ANK3: variants seen among roughly 807,000 people sequenced by gnomAD.
ANK3 encodes ankyrin-3.
In ANK3, 57 loss-of-function variants were observed where a neutral mutation model predicts 370.9. The ratio of observed to expected loss-of-function variants is 0.15; its 90% CI spans 0.12 to 0.19. The LOEUF (loss-of-function observed/expected upper bound fraction) is 0.19, where lower values mean the gene tolerates loss of function less well. ANK3 is among the 10% of genes least tolerant of loss of function. ANK3 has a pLI of 1.00. For missense variants in ANK3, 4,439 were observed against 5,302.1 expected, an observed-to-expected ratio of 0.84 and a Z score of 5.06; for synonymous variants, 1,929 against 1,946.3, an observed-to-expected ratio of 0.99 and a Z score of 0.23.
intron 8 of ANK3, among the ~76,000 whole-genome samples, chr10:60,231,847 C>T (rs2132527488): frequency 6.6e-6 from 1 of 152,268 alleles, no homozygotes; most frequent in South Asian, 2.1e-4. Context: ...TTCTCTGGTT[C>T]TCCATGTCTT....
chr10:60,420,784 G>A (rs561545149), intron 2 of ANK3, among the ~76,000 whole-genome samples: 44 of 152,112 alleles, frequency 2.9e-4, no homozygotes, highest in Non-Finnish European at 5.0e-4. Context: ...GGAATAAAAA[G>A]TTACCTTAAG....
rs1235595002 is a variant in ANK3, at chr10:60,468,995, GTGTA to G, written c.96+146187_96+146190del. 2.6e-3 allele frequency among the ~76,000 whole-genome samples: 90 copies of G among 34,556 alleles called. 14 individuals are homozygous for G. The highest frequency in any genetic ancestry group is 8.0e-3 in the African/African-American group (73 of 9,156). The allele number at this position is 34,556 out of a possible 152,430, so 22.7% of individuals were successfully genotyped here. A position where few individuals can be genotyped will look rare whatever the true frequency, so the allele number is the denominator to read the frequency against. On this transcript the variant is annotated intron_variant, in intron 2 of 43. Transcript: ENST00000373827. Reference sequence around the variant, plus strand: ...CCACTATATATATACCACTTTTAGTGTGTATATATATATATATATATATACCACT... The same window carrying G: ...CCACTATATATATACCACTTTTAGTGTATATATATATATATATATACCACT...
rs542857204 is a variant in ANK3 at position 60,027,840 on chromosome 10, T to A, written c.*2006A>T. Reference sequence around the variant, plus strand: ...AATTCACAGTCAGGTTGTACAAATATAAGAAATGAGGCTGTGGCAGTGATA... The same window carrying A: ...AATTCACAGTCAGGTTGTACAAATAAAAGAAATGAGGCTGTGGCAGTGATA... On this transcript the variant is annotated 3_prime_UTR_variant, in exon 44 of 44. Transcript: ENST00000280772. 6.6e-6 allele frequency: 1 copy of A among 152,138 alleles called. No homozygotes were observed. Among genetic ancestry groups the A allele is most frequent in the Admixed American group, 6.6e-5 (1 of 15,264 alleles). The allele number at this position is 152,138 out of a possible 1,614,324, so 9.4% of individuals were successfully genotyped here. A position where few individuals can be genotyped will look rare whatever the true frequency, so the allele number is the denominator to read the frequency against.
chr10:60,620,944 A>G (rs1334813965), intron 1 of ANK3, among the ~76,000 whole-genome samples: 1 of 152,192 alleles, frequency 6.6e-6, no homozygotes, highest in Non-Finnish European at 1.5e-5. Flanking sequence ...TTCTCATTTT[A>G]TAGATGAAGA....
intron 23 of ANK3, among the ~76,000 whole-genome samples, chr10:60,164,245 CA>C (rs1308830188): frequency 7.9e-5 from 12 of 152,112 alleles, no homozygotes; most frequent in Non-Finnish European, 1.6e-4. Context: ...GGGACCTTAG[CA>C]GACAGTAATA....
At chr10:60,725,093 C>G (rs1335168056) in intron 1 of ANK3, among the ~76,000 whole-genome samples, 1 of 152,148 alleles carries the variant, frequency 6.6e-6, no homozygotes, top group African/African-American at 2.4e-5. Context: ...TGTAAGTACT[C>G]TTACAAAATG....
At chr10:60,532,889 C>A (rs534447215) in intron 2 of ANK3, among the ~76,000 whole-genome samples, 2 of 152,008 alleles carry the variant, frequency 1.3e-5, no homozygotes, top group Admixed American at 6.6e-5. Flanking sequence ...AACAACCTGG[C>A]GAGGGTAATT....
intron 2 of ANK3, among the ~76,000 whole-genome samples, chr10:60,608,776 T>C (rs542924928): frequency 9.8e-5 from 15 of 152,298 alleles, no homozygotes; most frequent in Admixed American, 5.2e-4. Context: ...AAGATTAACA[T>C]CCTCAAATCC....
At chr10:60,177,962 T>C (rs1565490585) in intron 18 of ANK3, among the ~76,000 whole-genome samples, 1 of 152,300 alleles carries the variant, frequency 6.6e-6, no homozygotes, top group African/African-American at 2.4e-5. Flanking sequence ...GCCTTCTTTA[T>C]TCTTCATTTG....
At chr10:60,431,355 A>G (rs2064017741) in intron 2 of ANK3, among the ~76,000 whole-genome samples, 1 of 152,136 alleles carries the variant, frequency 6.6e-6, no homozygotes, top group African/African-American at 2.4e-5. Flanking sequence ...CTGAGACTCT[A>G]ATGCCGCTGC....
At position 60,055,787 on chromosome 10, in the gene ANK3, C is replaced by T. The variant is rs1308904072; in HGVS notation, c.12936G>A (p.Lys4312=). The T allele has an allele frequency of 1.9e-6, 3 of 1,614,176 alleles. No homozygotes were observed. In the East Asian group the frequency reaches 6.7e-5, roughly 36 times the overall value. Residue 4312 remains lysine, a synonymous_variant, in exon 42 of 44, where the codon AAG becomes AAA. Coordinates refer to ENST00000280772, the MANE Select transcript of ANK3 (RefSeq NM_020987.5). ...AYQKSLEETS[K]LIIEETKPCV... ...AGGGTTTAGTCTCTTCTATTATAAG[C>T]TTGCTGGTTTCTTCTAGAGATTTCT... is the stretch of plus-strand genomic sequence containing the variant.
intron 2 of ANK3, among the ~76,000 whole-genome samples, chr10:60,436,595 T>G (rs1343445195): frequency 6.6e-6 from 1 of 152,348 alleles, no homozygotes; most frequent in South Asian, 2.1e-4. Flanking sequence ...TGGCCATTTG[T>G]ATATCCTCTC....
At chr10:60,484,563 C>A (rs1425262145) in intron 2 of ANK3, among the ~76,000 whole-genome samples, 1 of 130,044 alleles carries the variant, frequency 7.7e-6, no homozygotes, top group African/African-American at 2.5e-5. Flanking sequence ...TAAAAAAAAT[C>A]TAGGCTGTTA....
intron 1 of ANK3, among the ~76,000 whole-genome samples, chr10:60,679,228 T>C (rs1218939762): frequency 1.3e-5 from 2 of 152,054 alleles, no homozygotes; most frequent in East Asian, 1.9e-4. Context: ...AATTGGGGCC[T>C]GAGTAGAAGG....
chr10:60,649,630 G>A (rs1256386021), intron 1 of ANK3, among the ~76,000 whole-genome samples: 2 of 152,188 alleles, frequency 1.3e-5, no homozygotes, highest in Admixed American at 1.3e-4. Context: ...CTCTAAGGCA[G>A]AGCCTTTTAA....
At chr10:60,148,048 G>A (rs775344426) in intron 23 of ANK3, among the ~76,000 whole-genome samples, 11 of 152,134 alleles carry the variant, frequency 7.2e-5, no homozygotes, top group Non-Finnish European at 1.5e-4. Context: ...GGATGCATGT[G>A]CCTCCTGTGG....
Position 60,054,962 on chromosome 10 carries a change from C to T in ANK3, c.13065+696G>A, listed in dbSNP as rs182427637. Among the ~76,000 whole-genome samples the T allele has an allele frequency of 2.2e-3, 328 of 151,830 alleles. 2 individuals are homozygous for T. Among genetic ancestry groups the T allele is most frequent in the Non-Finnish European group, 3.7e-3 (249 of 67,936 alleles). Reference sequence around the variant, plus strand: ...TTTTAATATCTAAAAATAGAGTAAACCTCAAAGAAAAAAATCTATTAGATT... The same window carrying T: ...TTTTAATATCTAAAAATAGAGTAAATCTCAAAGAAAAAAATCTATTAGATT... On this transcript the variant is annotated intron_variant, in intron 42 of 43. Coordinates refer to ENST00000280772, the MANE Select transcript of ANK3 (RefSeq NM_020987.5).
At chr10:60,220,257 A>G (rs1324135432) in intron 8 of ANK3, among the ~76,000 whole-genome samples, 1 of 152,188 alleles carries the variant, frequency 6.6e-6, no homozygotes, top group East Asian at 1.9e-4. Context: ...GATTCTAAGT[A>G]AAAAATGACA....
At chr10:60,581,450 A>T (rs1595313998) in intron 2 of ANK3, among the ~76,000 whole-genome samples, 1 of 128,106 alleles carries the variant, frequency 7.8e-6, no homozygotes, top group African/African-American at 3.1e-5. Context: ...TTTAAGACAG[A>T]GTCTCGCTTT....
Sources: allele counts gnomAD v4.1 joint callset (sites outside exome capture counted in the v4.1 genomes callset), GRCh38; gene constraint gnomAD v4.1.1; transcripts MANE v1.5; gene names NCBI Gene and HGNC (gene_info 2026-07-23, HGNC 2026-07-21).